GRHL2: variants seen among roughly 807,000 people sequenced by gnomAD.
GRHL2 encodes grainyhead-like protein 2 homolog.
GRHL2 carries 21 observed loss-of-function variants against 83.8 expected under a neutral mutation model. The observed-to-expected ratio is 0.25, with a 90% CI of 0.18 to 0.36. The LOEUF (loss-of-function observed/expected upper bound fraction) is 0.36. Among genes scored for constraint, GRHL2 ranks in the 10% least tolerant of loss-of-function variants. The probability of loss-of-function intolerance (pLI) is 1.00; values close to 1 mark genes in which losing one functional copy is unlikely to be tolerated. For missense variants in GRHL2, 623 were observed against 781.8 expected (o/e 0.80, Z 2.42); for synonymous variants, 280 against 278.9 (o/e 1.00, Z -0.04).
At chr8:101,672,179 C>G (rs1814221577), downstream of GRHL2, among the ~76,000 whole-genome samples, 1 of 151,720 alleles carries the variant, frequency 6.6e-6, no homozygotes, top group Non-Finnish European at 1.5e-5. Context: ...AGCTCCTCAT[C>G]AGCAGCGGAA....
At chr8:101,613,310 A>G (rs1812789532) in intron 8 of GRHL2, among the ~76,000 whole-genome samples, 1 of 150,954 alleles carries the variant, frequency 6.6e-6, no homozygotes, top group Non-Finnish European at 1.5e-5. Flanking sequence ...TCAGGAAGAA[A>G]GGAAGAAATG....
rs34176940 is a variant in GRHL2 at position 101,559,353 on chromosome 8, C to CAAAAAAAAAAAAAAAAAAAAAAAAAA, written c.678+543_678+568dup. On this transcript the variant is annotated intron_variant, in intron 4 of 15. Coordinates refer to ENST00000646743, the MANE Select transcript of GRHL2 (RefSeq NM_024915.4). ...TGAACTCCTGTCTCTACTAAAAATACAAAAAAAAAAAAAAAAAAAAAAAAA... is the reference window on the plus strand; with the variant it reads ...TGAACTCCTGTCTCTACTAAAAATACAAAAAAAAAAAAAAAAAAAAAAAAAAAAAAAAAAAAAAAAAAAAAAAAAAA... 2.2e-5 allele frequency among the ~76,000 whole-genome samples: 2 copies of CAAAAAAAAAAAAAAAAAAAAAAAAAA among 88,966 alleles called. 1 individual carries two copies. Among genetic ancestry groups the CAAAAAAAAAAAAAAAAAAAAAAAAAA allele is most frequent in the African/African-American group, 8.3e-5 (2 of 24,160 alleles). The allele number at this position is 88,966 out of a possible 152,430, so 58.4% of individuals were successfully genotyped here.
chr8:101,492,890 T>A, intron 1 of GRHL2, 101 bp downstream of exon 1: 1 of 1,090,260 alleles, frequency 9.2e-7, no homozygotes. Context: ...TTGTTGGTAT[T>A]TTTCTTTCTT....
At chr8:101,497,217 A>ATCTTTCCTCTCTTT (rs1320584711) in intron 1 of GRHL2, among the ~76,000 whole-genome samples, 1 of 152,198 alleles carries the variant, frequency 6.6e-6, no homozygotes, top group Non-Finnish European at 1.5e-5. Context: ...AAGAGAGACA[A>ATCTTTCCTCTCTTT]AGTACAGATA....
chr8:101,673,882 T>C (rs1367436574), downstream of GRHL2, among the ~76,000 whole-genome samples: 1 of 152,010 alleles, frequency 6.6e-6, no homozygotes, highest in African/African-American at 2.4e-5. Context: ...GCAATCAAAC[T>C]AGAACTCAGG....
chr8:101,657,636 T>G lies in GRHL2; in HGVS notation c.1699-6818T>G, dbSNP rs893314533. 5.9e-5 allele frequency among the ~76,000 whole-genome samples: 9 copies of G among 151,862 alleles called. No homozygotes were observed. In the East Asian group the frequency reaches 1.7e-3, roughly 29 times the overall value. On this transcript the variant is annotated intron_variant, in intron 14 of 15. Coordinates refer to ENST00000646743, the MANE Select transcript of GRHL2 (RefSeq NM_024915.4). ...CGGGTGGATCACGAGGTCAGGAGAT[T>G]GAGACCATCCTGGCTAACATGGTGA...
At chr8:101,567,599 A>G (rs772018633) in intron 4 of GRHL2, among the ~76,000 whole-genome samples, 7 of 152,234 alleles carry the variant, frequency 4.6e-5, no homozygotes, top group Non-Finnish European at 8.8e-5. Context: ...AGTAATATCT[A>G]TGTTTGTAAC....
intron 3 of GRHL2, among the ~76,000 whole-genome samples, chr8:101,558,040 A>G (rs776489515): frequency 6.6e-6 from 1 of 151,558 alleles, no homozygotes; most frequent in African/African-American, 2.4e-5. Flanking sequence ...AATTTTTTGT[A>G]TTTTTTTGTT....
chr8:101,566,491 T>C (rs1425589399), intron 4 of GRHL2, among the ~76,000 whole-genome samples: 1 of 151,276 alleles, frequency 6.6e-6, no homozygotes, highest in Non-Finnish European at 1.5e-5. Context: ...CAAAAGACCT[T>C]CCAATTTTAC....
chr8:101,576,265 G>A (rs1385359513), intron 6 of GRHL2, among the ~76,000 whole-genome samples: 1 of 152,196 alleles, frequency 6.6e-6, no homozygotes, highest in Non-Finnish European at 1.5e-5. Context: ...CCAGGCTGGA[G>A]TACAGTGGCA....
chr8:101,542,816 A>AAG (rs1563572213), intron 1 of GRHL2: 1 of 456,736 alleles, frequency 2.2e-6, no homozygotes, highest in East Asian at 6.9e-5. Context: ...GTAAGATGGA[A>AAG]AGAGAGCAAG....
intron 1 of GRHL2, among the ~76,000 whole-genome samples, chr8:101,518,228 G>T (rs1263562816): frequency 6.6e-6 from 1 of 152,058 alleles, no homozygotes; most frequent in Non-Finnish European, 1.5e-5. Flanking sequence ...GGTCAACGTG[G>T]CAAAAACCCG....
intron 1 of GRHL2, among the ~76,000 whole-genome samples, chr8:101,494,731 A>G (rs780300827): frequency 6.6e-6 from 1 of 152,254 alleles, no homozygotes; most frequent in Non-Finnish European, 1.5e-5. Flanking sequence ...TATTTTCACC[A>G]GTTATACTTA....
intron 1 of GRHL2, among the ~76,000 whole-genome samples, chr8:101,493,741 C>G (rs894099781): frequency 6.6e-6 from 1 of 152,054 alleles, no homozygotes; most frequent in African/African-American, 2.4e-5. Flanking sequence ...CTCGGGGCGG[C>G]GGGAACGCTG....
chr8:101,640,822 A>T (rs1184837091), intron 12 of GRHL2, among the ~76,000 whole-genome samples: 1 of 152,144 alleles, frequency 6.6e-6, no homozygotes, highest in Non-Finnish European at 1.5e-5. Flanking sequence ...TACCATTTCC[A>T]GGCTGCTTGG....
intron 13 of GRHL2, 126 bp from the exon 14 acceptor site, chr8:101,649,288 C>T: frequency 4.1e-6 from 3 of 733,708 alleles, no homozygotes; most frequent in Non-Finnish European, 7.4e-6. Flanking sequence ...TTATCTGGAC[C>T]AGGGTTCTGA....
intron 11 of GRHL2, 65 bp from the exon 12 acceptor site, chr8:101,636,832 A>C (rs901574895): frequency 1.5e-5 from 21 of 1,422,154 alleles, no homozygotes; most frequent in Non-Finnish European, 2.0e-5. Flanking sequence ...AAGTCTGTAC[A>C]TCACGTAATA....
chr8:101,612,552 CATAG>C (rs1812775111), intron 8 of GRHL2, among the ~76,000 whole-genome samples: 1 of 146,140 alleles, frequency 6.8e-6, no homozygotes, highest in South Asian at 2.2e-4. Flanking sequence ...TACATACATA[CATAG>C]ATATTGATGA....
intron 1 of GRHL2, among the ~76,000 whole-genome samples, chr8:101,523,419 C>T (rs1196130291): frequency 6.6e-6 from 1 of 151,932 alleles, no homozygotes; most frequent in African/African-American, 2.4e-5. Context: ...TTATTAGTTC[C>T]CCACTACCAC....
Sources: gnomAD v4.1 joint callset for allele counts (sites outside exome capture counted in the v4.1 genomes callset) on GRCh38, gnomAD v4.1.1 for gene constraint, MANE v1.5 for transcripts, NCBI Gene and HGNC (gene_info 2026-07-23, HGNC 2026-07-21) for gene names.